The following EXOC4 variants were observed in gnomAD, a reference collection of about 807,000 sequenced individuals.
The protein encoded by EXOC4 is SEC8-like 1.
EXOC4 carries 71 observed loss-of-function variants against 107.2 expected under a neutral mutation model. The observed-to-expected ratio is 0.66, with a 90% CI of 0.55 to 0.81. The LOEUF is 0.81. EXOC4 is among the 30% of genes least tolerant of loss of function. The pLI is 0.00. For missense variants in EXOC4, 1,108 were observed against 1,189.6 expected, an observed-to-expected ratio of 0.93 and a Z score of 1.01; for synonymous variants, 456 against 441.2, an observed-to-expected ratio of 1.03 and a Z score of -0.42.
At position 133,710,591 on chromosome 7, in the gene EXOC4, C is replaced by T. The variant is rs1354801861; in HGVS notation, c.1514+80450C>T. Among the ~76,000 whole-genome samples the T allele has an allele frequency of 4.2e-5, 6 of 144,188 alleles. No homozygotes were observed. The East Asian group carries it at 1.0e-3, about 25-fold the overall frequency. 94.6% of individuals were successfully genotyped at this position (144,188 alleles called of 152,430 possible). A position where few individuals can be genotyped will look rare whatever the true frequency, so the allele number is the denominator to read the frequency against. ...AGGAGAATGGCGTGAACCCGGGAGG[C>T]GGAGCTTGCAGTGAGCCGAGATCCC... On this transcript the variant is annotated intron_variant, in intron 10 of 17. Coordinates refer to ENST00000253861, the MANE Select transcript of EXOC4 (RefSeq NM_021807.4).
chr7:133,898,589 C>T (rs1799375370), intron 12 of EXOC4, among the ~76,000 whole-genome samples: 1 of 151,070 alleles, frequency 6.6e-6, no homozygotes, highest in Admixed American at 6.6e-5. Flanking sequence ...ACTAAAAATA[C>T]AAAAAAAATT....
intron 7 of EXOC4, among the ~76,000 whole-genome samples, chr7:133,437,868 A>C (rs1001457387): frequency 1.3e-5 from 2 of 152,214 alleles, no homozygotes; most frequent in African/African-American, 2.4e-5. Flanking sequence ...GACAAATTAA[A>C]AAGAATTAGT....
At chr7:133,958,796 C>G (rs1172400234) in intron 14 of EXOC4, among the ~76,000 whole-genome samples, 1 of 152,172 alleles carries the variant, frequency 6.6e-6, no homozygotes, top group Non-Finnish European at 1.5e-5. Flanking sequence ...CAGCTGAGCA[C>G]TGGAGTTTTA....
rs1800174390 is a variant in EXOC4, at chr7:133,531,112, G to A, written c.1417+50974G>A. 2.0e-5 allele frequency among the ~76,000 whole-genome samples: 3 copies of A among 152,078 alleles called. No homozygotes were observed. In the South Asian group the frequency reaches 6.2e-4, roughly 32 times the overall value. On this transcript the variant is annotated intron_variant, in intron 9 of 17. Transcript: ENST00000253861. ...TTTCTGTAAGGAATCCAAACTGTAG[G>A]AAAAGGATAAAATAAAGTTTTTAGT... is the stretch of plus-strand genomic sequence containing the variant.
intron 5 of EXOC4, among the ~76,000 whole-genome samples, chr7:133,319,672 G>A (rs998481404): frequency 5.9e-5 from 9 of 151,778 alleles, no homozygotes; most frequent in Admixed American, 2.6e-4. Flanking sequence ...GTAGAAACAG[G>A]GTTTCACTAT....
At chr7:133,854,449 C>CAT (rs1491428313) in intron 11 of EXOC4, among the ~76,000 whole-genome samples, 1 of 146,512 alleles carries the variant, frequency 6.8e-6, no homozygotes, top group Admixed American at 6.8e-5. Flanking sequence ...CACACACACA[C>CAT]ATACATTTTA....
intron 10 of EXOC4, among the ~76,000 whole-genome samples, chr7:133,788,695 G>A (rs1442307430): frequency 6.6e-6 from 1 of 152,126 alleles, no homozygotes; most frequent in African/African-American, 2.4e-5. Context: ...TTTTCACCAA[G>A]TTGGCCAGGC....
chr7:133,959,845 A>G (rs2971974), intron 14 of EXOC4, among the ~76,000 whole-genome samples: 106,305 of 152,104 alleles, frequency 0.7, 37,566 homozygotes, highest in East Asian at 0.91. Context: ...TTTTCAACCT[A>G]GAATTGTTTA....
At chr7:134,076,974 A>G in the EXOC4 span, among the ~76,000 whole-genome samples, 4 of 148,068 alleles carry the variant, frequency 2.7e-5, no homozygotes, top group Non-Finnish European at 5.9e-5. Context: ...GTGTGTGTGT[A>G]TAATAGAGAG....
chr7:133,863,722 G>T (rs1036704034), intron 11 of EXOC4, among the ~76,000 whole-genome samples: 1 of 152,106 alleles, frequency 6.6e-6, no homozygotes, highest in Admixed American at 6.6e-5. Flanking sequence ...TAAACATATT[G>T]CCAAGAAAAT....
chr7:133,411,065 A>G (rs1238291007), intron 7 of EXOC4, among the ~76,000 whole-genome samples: 1 of 152,150 alleles, frequency 6.6e-6, no homozygotes, highest in Non-Finnish European at 1.5e-5. Flanking sequence ...CTGTGATCTT[A>G]AGAGTCTCTT....
intron 10 of EXOC4, among the ~76,000 whole-genome samples, chr7:133,808,268 A>G (rs764164521): frequency 5.9e-5 from 9 of 152,202 alleles, no homozygotes; most frequent in African/African-American, 1.2e-4. Flanking sequence ...TGATGTGCCA[A>G]TGGCTTACTC....
chr7:133,474,752 A>C lies in EXOC4; in HGVS notation c.1183-576A>C, dbSNP rs1412927422. Among the ~76,000 whole-genome samples, 3 of 152,026 alleles carry C rather than the reference A, an allele frequency of 2.0e-5. No individual in the cohort carries two copies. The East Asian group carries it at 5.8e-4, about 29-fold the overall frequency. Reference sequence around the variant, plus strand: ...ATATCTCTTTTTGCAGGTTTGTTTTAGTATTTATCCACTATGTGTAATAGT... The same window carrying C: ...ATATCTCTTTTTGCAGGTTTGTTTTCGTATTTATCCACTATGTGTAATAGT... On this transcript the variant is annotated intron_variant, in intron 7 of 17. Transcript: ENST00000253861.
intron 17 of EXOC4, among the ~76,000 whole-genome samples, chr7:134,053,900 A>C (rs1171437241): frequency 6.6e-6 from 1 of 152,054 alleles, no homozygotes; most frequent in Non-Finnish European, 1.5e-5. Flanking sequence ...AATTAATGTC[A>C]CTTCCTTGCT....
intron 10 of EXOC4, among the ~76,000 whole-genome samples, chr7:133,698,617 C>G (rs1585086922): frequency 6.6e-6 from 1 of 151,436 alleles, no homozygotes; most frequent in African/African-American, 2.4e-5. Context: ...TATAGATATA[C>G]AACTATTTTT....
chr7:133,769,314 T>C (rs1374934692), intron 10 of EXOC4, among the ~76,000 whole-genome samples: 2 of 151,894 alleles, frequency 1.3e-5, no homozygotes, highest in East Asian at 3.9e-4. Flanking sequence ...TGGGCTTTCA[T>C]TGCCAAAGAA....
chr7:133,370,079 A>C (rs1039694266), intron 6 of EXOC4, among the ~76,000 whole-genome samples: 1 of 151,990 alleles, frequency 6.6e-6, no homozygotes, highest in South Asian at 2.1e-4. Flanking sequence ...GGCGTGAGCC[A>C]CTGTGCCTGG....
intron 6 of EXOC4, among the ~76,000 whole-genome samples, chr7:133,365,912 C>A (rs1796240538): frequency 6.6e-6 from 1 of 152,114 alleles, no homozygotes; most frequent in South Asian, 2.1e-4. Context: ...TACTTTCTTA[C>A]CTTTTAGAGC....
chr7:133,456,167 A>T (rs772918421), intron 7 of EXOC4, among the ~76,000 whole-genome samples: 6 of 152,166 alleles, frequency 3.9e-5, no homozygotes, highest in Non-Finnish European at 1.5e-5. Context: ...AGCCATTATC[A>T]TTATCCATTA....
Sources: allele counts gnomAD v4.1 joint callset (sites outside exome capture counted in the v4.1 genomes callset), GRCh38; gene constraint gnomAD v4.1.1; transcripts MANE v1.5; gene names NCBI Gene and HGNC (gene_info 2026-07-23, HGNC 2026-07-21).